Variants in C14orf132 observed in about 807,000 individuals in gnomAD.
C14orf132 encodes the protein chromosome 14 open reading frame 132, also known as uncharacterized protein C14orf132.
C14orf132 carries 6 observed loss-of-function variants against 5.8 expected under a neutral mutation model. The ratio of observed to expected loss-of-function variants is 1.03; its 90% CI spans 0.57 to 2.04. The LOEUF (loss-of-function observed/expected upper bound fraction) is 2.04, where lower values mean the gene tolerates loss of function less well. C14orf132 is among the 30% of genes most tolerant of loss of function. C14orf132 has a pLI of 0.00. For missense variants in C14orf132, 125 were observed against 115.8 expected, an observed-to-expected ratio of 1.08 and a Z score of -0.37; for synonymous variants, 51 against 49.8, an observed-to-expected ratio of 1.02 and a Z score of -0.10.
intron 1 of C14orf132, among the ~76,000 whole-genome samples, chr14:96,084,314 C>A (rs1888115629): frequency 6.8e-6 from 1 of 147,460 alleles, no homozygotes; most frequent in Non-Finnish European, 1.5e-5. Context: ...CAATCCCCTG[C>A]AGCCCCCGTC....
intron 1 of C14orf132, among the ~76,000 whole-genome samples, chr14:96,085,272 G>A (rs751700788): frequency 3.3e-5 from 5 of 152,214 alleles, no homozygotes; most frequent in East Asian, 1.9e-4. Flanking sequence ...CTGTGCATCC[G>A]ATGCAGGCCT....
intron 1 of C14orf132, among the ~76,000 whole-genome samples, chr14:96,073,490 T>C (rs193229912): frequency 1.3e-5 from 2 of 152,282 alleles, no homozygotes; most frequent in East Asian, 3.9e-4. Context: ...TGAGATACCA[T>C]CTCACGCCAG....
intron 1 of C14orf132, among the ~76,000 whole-genome samples, chr14:96,061,801 T>G (rs1887365782): frequency 6.6e-6 from 1 of 152,048 alleles, no homozygotes; most frequent in African/African-American, 2.4e-5. Flanking sequence ...CTTCAGCTAC[T>G]TGAGAGGCTG....
At chr14:96,082,636 G>A (rs1036004669) in intron 1 of C14orf132, among the ~76,000 whole-genome samples, 1 of 152,198 alleles carries the variant, frequency 6.6e-6, no homozygotes, top group African/African-American at 2.4e-5. Context: ...GTGGCCATCT[G>A]CTGACAACTG....
intron 1 of C14orf132, among the ~76,000 whole-genome samples, chr14:96,066,811 A>G (rs1270371255): frequency 1.3e-5 from 2 of 152,242 alleles, no homozygotes; most frequent in Non-Finnish European, 2.9e-5. Context: ...GTACTATAAT[A>G]CATGTAATGT....
Position 96,049,544 on chromosome 14 carries a change from A to ATATATATACATATATACG in C14orf132, c.27+10044_27+10061dup, listed in dbSNP as rs1566823635. Among the ~76,000 whole-genome samples, 131 of 126,566 alleles carry ATATATATACATATATACG rather than the reference A, an allele frequency of 1.0e-3. 1 individual carries two copies. The highest frequency in any genetic ancestry group is 1.8e-3 in the Non-Finnish European group (102 of 56,888). 83.0% of individuals were successfully genotyped at this position (126,566 alleles called of 152,430 possible). The stretch of plus-strand genomic sequence containing the variant: ...TATATATACACATATATACATACGT[A>ATATATATACATATATACG]TATATATACATATATACGTATATAT... On this transcript the variant is annotated intron_variant, in intron 1 of 1. Coordinates refer to ENST00000555004, the MANE Select transcript of C14orf132 (RefSeq NM_001252507.3).
At chr14:96,051,626 G>A (rs1887029663) in intron 1 of C14orf132, among the ~76,000 whole-genome samples, 1 of 152,166 alleles carries the variant, frequency 6.6e-6, no homozygotes, top group Admixed American at 6.5e-5. Flanking sequence ...GCTCTCCCAG[G>A]CACCCTGAAA....
intron 1 of C14orf132, among the ~76,000 whole-genome samples, chr14:96,050,955 C>T (rs1024967293): frequency 5.9e-5 from 9 of 152,080 alleles, no homozygotes; most frequent in South Asian, 2.1e-4. Flanking sequence ...ATATTTCCAC[C>T]GTTCCTCCTT....
chr14:96,061,520 C>T (rs1197564843), intron 1 of C14orf132, among the ~76,000 whole-genome samples: 8 of 152,164 alleles, frequency 5.3e-5, no homozygotes, highest in African/African-American at 1.9e-4. Context: ...TCTGCAGTGG[C>T]AGATATGATT....
At position 96,083,010 on chromosome 14, in the gene C14orf132, T is replaced by C. The variant is rs145746948; in HGVS notation, c.28-3501T>C. Among the ~76,000 whole-genome samples, 539 of 152,262 alleles carry C rather than the reference T, an allele frequency of 3.5e-3. 7 individuals carry two copies. The highest frequency in any genetic ancestry group is 0.034 in the South Asian group (163 of 4,812). ...GAACCCACCCTCATTTCCCACGCTC[T>C]GAGACAGCAGAATCCGTCCCACACT... On this transcript the variant is annotated intron_variant, in intron 1 of 1. Coordinates refer to ENST00000555004, the MANE Select transcript of C14orf132 (RefSeq NM_001252507.3).
intron 1 of C14orf132, among the ~76,000 whole-genome samples, chr14:96,053,615 G>A (rs900207712): frequency 6.6e-6 from 1 of 152,206 alleles, no homozygotes. Flanking sequence ...ATCCCAGGCT[G>A]AGCCCCAACA....
At chr14:96,054,557 G>C (rs1887124811) in intron 1 of C14orf132, among the ~76,000 whole-genome samples, 1 of 152,188 alleles carries the variant, frequency 6.6e-6, no homozygotes. Flanking sequence ...AGTAGTAATA[G>C]CTCATAGTAT....
In C14orf132 at chr14:96,087,356, G is replaced by C. The variant is rs919852850; in HGVS notation, c.*621G>C. ...CTGGTAATAGGTGGGGTTTCTGGGG[G>C]TGTTGTTGGTGGTTTTTATCTCCTG... On this transcript the variant is annotated 3_prime_UTR_variant, in exon 2 of 2. Transcript: ENST00000555004. 7.2e-5 allele frequency: 11 copies of C among 152,312 alleles called. No homozygotes were observed. Among genetic ancestry groups the C allele is most frequent in the African/African-American group, 2.7e-4 (11 of 41,334 alleles). The allele number at this position is 152,312 out of a possible 1,614,324, so 9.4% of individuals were successfully genotyped here.
In C14orf132 at chr14:96,085,589, T is replaced by C. The variant is rs140571697; in HGVS notation, c.28-922T>C. Among the ~76,000 whole-genome samples the C allele has an allele frequency of 2.5e-3, 382 of 152,302 alleles. 2 individuals carry two copies. Among genetic ancestry groups the C allele is most frequent in the African/African-American group, 8.0e-3 (333 of 41,562 alleles). On this transcript the variant is annotated intron_variant, in intron 1 of 1. Coordinates refer to ENST00000555004, the MANE Select transcript of C14orf132 (RefSeq NM_001252507.3). Reference sequence around the variant, plus strand: ...AAACATTCTGGCATCCCGTGTGCAGTGATGTGCGGCGTGGGCGGTGGGAAT... The same window carrying C: ...AAACATTCTGGCATCCCGTGTGCAGCGATGTGCGGCGTGGGCGGTGGGAAT...
chr14:96,050,974 T>C (rs1887009365), intron 1 of C14orf132: 2 of 390,616 alleles, frequency 5.1e-6, no homozygotes, highest in Non-Finnish European at 9.0e-6. Context: ...TTTTCTCCCG[T>C]TGTGGGAAAA....
intron 1 of C14orf132, among the ~76,000 whole-genome samples, chr14:96,053,695 T>C (rs1887096893): frequency 6.6e-6 from 1 of 152,178 alleles, no homozygotes; most frequent in Non-Finnish European, 1.5e-5. Context: ...CAGTCTCCAA[T>C]GGCCACCTGT....
chr14:96,071,898 C>T (rs1887721373), intron 1 of C14orf132, among the ~76,000 whole-genome samples: 1 of 152,248 alleles, frequency 6.6e-6, no homozygotes, highest in Admixed American at 6.5e-5. Flanking sequence ...TGAAATCAAT[C>T]AGCTTGAGCT....
intron 1 of C14orf132, among the ~76,000 whole-genome samples, chr14:96,057,237 C>T (rs755570459): frequency 2.0e-5 from 3 of 152,166 alleles, no homozygotes; most frequent in Non-Finnish European, 4.4e-5. Context: ...GGCCTTGAGG[C>T]GGTGAATGCA....
At chr14:96,084,385 G>C (rs12433562) in intron 1 of C14orf132, among the ~76,000 whole-genome samples, 31,165 of 152,122 alleles carry the variant, frequency 0.2, 3,655 homozygotes, top group Non-Finnish European at 0.26. Context: ...GAGGCCACCA[G>C]CAAATGTTGG....
Sources: gnomAD v4.1 joint callset for allele counts (sites outside exome capture counted in the v4.1 genomes callset) on GRCh38, gnomAD v4.1.1 for gene constraint, MANE v1.5 for transcripts, NCBI Gene and HGNC (gene_info 2026-07-23, HGNC 2026-07-21) for gene names.